SLIT1: variants seen among roughly 807,000 people sequenced by gnomAD.
The protein encoded by SLIT1 is slit guidance ligand 1, also known as slit homolog 1 protein.
A neutral mutation model predicts 186.1 loss-of-function variants in SLIT1; 66 were observed. That is an observed-to-expected ratio of 0.35 (90% CI 0.29 to 0.44). SLIT1 has a LOEUF of 0.44. Among genes scored for constraint, SLIT1 ranks in the 20% least tolerant of loss-of-function variants. The pLI is 1.00. For missense variants in SLIT1, 1,638 were observed against 2,037.4 expected, an observed-to-expected ratio of 0.80 and a Z score of 3.77; for synonymous variants, 761 against 833.8, an observed-to-expected ratio of 0.91 and a Z score of 1.50.
chr10:97,040,802 C>A (rs1347467473), intron 20 of SLIT1, among the ~76,000 whole-genome samples: 2 of 152,206 alleles, frequency 1.3e-5, no homozygotes, highest in Non-Finnish European at 2.9e-5. Flanking sequence ...AAATCTGTGC[C>A]TTCCTTTCTG....
rs780410176 is a variant in SLIT1 at position 97,019,056 on chromosome 10, G to A, written c.2798C>T (p.Pro933Leu). Reference sequence around the variant, plus strand: ...GTGGCAGGTGCCCTGGTTCTGGCACGGACTGGACAAGCAGAGATCACACTT... The same window carrying A: ...GTGGCAGGTGCCCTGGTTCTGGCACAGACTGGACAAGCAGAGATCACACTT... The part of the protein sequence containing the change: ...QAKCDLCLSS[P>L]CQNQGTCHND... The change falls in exon 27 of 37, where the codon CCG becomes CTG. Residue 933 changes from proline (P) to leucine (L), a missense_variant. Pro to Leu is a moderately conservative substitution (Grantham distance 98, BLOSUM62 -3). This residue lies in a region of SLIT1 where 1,245 missense variants were observed against 1,535.3 expected (regional missense o/e 0.81). Transcript: ENST00000266058. 17 of 1,613,890 alleles carry A rather than the reference G, an allele frequency of 1.1e-5. No homozygotes were observed. Among genetic ancestry groups the A allele is most frequent in the Middle Eastern group, 1.6e-4 (1 of 6,084 alleles).
At chr10:97,177,391 G>A (rs1450320255) in intron 1 of SLIT1, among the ~76,000 whole-genome samples, 5 of 152,104 alleles carry the variant, frequency 3.3e-5, no homozygotes, top group Non-Finnish European at 5.9e-5. Flanking sequence ...CTGCCACGCC[G>A]TTCCCACTTA....
At chr10:97,091,062 A>C (rs1849225874) in intron 4 of SLIT1, among the ~76,000 whole-genome samples, 2 of 152,242 alleles carry the variant, frequency 1.3e-5, no homozygotes, top group South Asian at 4.1e-4. Context: ...AGCTGAGAAG[A>C]TAGCTACTCT....
In SLIT1 at chr10:97,183,149, A is replaced by G. The variant is rs185885299; in HGVS notation, c.197+2329T>C. 3.1e-3 allele frequency among the ~76,000 whole-genome samples: 472 copies of G among 152,122 alleles called. 3 individuals carry two copies. Among genetic ancestry groups the G allele is most frequent in the African/African-American group, 0.011 (450 of 41,488 alleles). On this transcript the variant is annotated intron_variant, in intron 1 of 36. Transcript: ENST00000266058. ...CCTCTGAGAAACCCCTTCACCCTGGAAAAGGGCTTCTCACCCCAGTGTTCC... is the reference window on the plus strand; with the variant it reads ...CCTCTGAGAAACCCCTTCACCCTGGGAAAGGGCTTCTCACCCCAGTGTTCC...
rs1053360617 is a variant in SLIT1, at chr10:97,037,748, C to T, written c.2316G>A (p.Gln772=). The change falls in exon 22 of 37, where the codon CAG becomes CAA. Residue 772 remains glutamine (Q), a synonymous_variant. Coordinates refer to ENST00000266058, the MANE Select transcript of SLIT1 (RefSeq NM_003061.3). ...ACAGCTGTCCCGGAACCAGCGTGAA[C>T]TGGTTCCCGTCCAAATAGCTGCAGA... ...NVTELYLDGN[Q]FTLVPGQLST... 1 of 1,608,328 alleles carries T rather than the reference C, an allele frequency of 6.2e-7. No individual in the cohort carries two copies. Among genetic ancestry groups the T allele is most frequent in the African/African-American group, 1.3e-5 (1 of 74,978 alleles).
At chr10:97,098,101 G>T (rs1849310172) in intron 4 of SLIT1, among the ~76,000 whole-genome samples, 2 of 152,190 alleles carry the variant, frequency 1.3e-5, no homozygotes, top group African/African-American at 2.4e-5. Flanking sequence ...ATCATAGCTG[G>T]AACCACTATT....
intron 11 of SLIT1, among the ~76,000 whole-genome samples, chr10:97,058,569 T>G (rs1848862673): frequency 6.6e-6 from 1 of 152,008 alleles, no homozygotes; most frequent in Non-Finnish European, 1.5e-5. Flanking sequence ...ACTTCAGGGG[T>G]GCCATTCATA....
chr10:97,077,893 G>C lies in SLIT1; in HGVS notation c.414-11807C>G, dbSNP rs1849060459. ...AGGCCGAAGCAAGAGGATCACTGGA[G>C]CCTAGGAATTTGAGGCAACCTGGGC... is the stretch of plus-strand genomic sequence containing the variant. On this transcript the variant is annotated intron_variant, in intron 4 of 36. Transcript: ENST00000266058. Among the ~76,000 whole-genome samples the C allele has an allele frequency of 1.3e-5, 2 of 152,136 alleles. 1 individual carries two copies. The highest frequency in any genetic ancestry group is 4.1e-4 in the South Asian group (2 of 4,820).
intron 4 of SLIT1, among the ~76,000 whole-genome samples, chr10:97,098,295 A>G (rs1315773463): frequency 6.6e-6 from 1 of 152,224 alleles, no homozygotes; most frequent in Non-Finnish European, 1.5e-5. Context: ...TCTGTTCACA[A>G]AAGTCCTACT....
intron 3 of SLIT1, among the ~76,000 whole-genome samples, chr10:97,158,575 T>G (rs1438128125): frequency 6.7e-6 from 1 of 148,974 alleles, no homozygotes; most frequent in Non-Finnish European, 1.5e-5. Flanking sequence ...GGCAGGAGAA[T>G]CGCTTGAACT....
At chr10:97,144,955 C>T (rs1175216747) in intron 4 of SLIT1, among the ~76,000 whole-genome samples, 2 of 151,962 alleles carry the variant, frequency 1.3e-5, no homozygotes, top group Non-Finnish European at 2.9e-5. Flanking sequence ...GTAACTTGTC[C>T]AGAGCCCCAC....
Position 97,000,759 on chromosome 10 carries a change from T to C in SLIT1, c.*353A>G, listed in dbSNP as rs1848298749. 9 of 224,090 alleles carry C rather than the reference T, an allele frequency of 4.0e-5. No individual in the cohort carries two copies. In the South Asian group the frequency reaches 8.2e-4, roughly 20 times the overall value. 13.9% of individuals were successfully genotyped at this position (224,090 alleles called of 1,614,324 possible). The stretch of plus-strand genomic sequence containing the variant: ...GAAGGGTTGGTTTGGAAGGCTGTCA[T>C]TTTTCTTCTCCAGATTCAGATAGCA... On this transcript the variant is annotated 3_prime_UTR_variant, in exon 37 of 37. Coordinates refer to ENST00000266058, the MANE Select transcript of SLIT1 (RefSeq NM_003061.3).
At chr10:97,179,796 A>ACCCCCCCCCC (rs1411663173) in intron 1 of SLIT1, among the ~76,000 whole-genome samples, 1 of 103,008 alleles carries the variant, frequency 9.7e-6, no homozygotes, top group Non-Finnish European at 2.2e-5. Flanking sequence ...AATTCTCCAC[A>ACCCCCCCCCC]CCCTCCCCGC....
intron 9 of SLIT1, 60 bp from the exon 10 acceptor site, chr10:97,060,218 A>T: frequency 2.2e-6 from 3 of 1,367,602 alleles, no homozygotes; most frequent in Middle Eastern, 3.7e-4. Context: ...CCTGGGTGTT[A>T]TCTGCTGGGC....
At chr10:97,141,127 C>T (rs1849753302) in intron 4 of SLIT1, among the ~76,000 whole-genome samples, 1 of 152,188 alleles carries the variant, frequency 6.6e-6, no homozygotes, top group Non-Finnish European at 1.5e-5. Flanking sequence ...CTCCCGACGA[C>T]AGCTCCAGCA....
Position 97,021,927 on chromosome 10 carries a change from C to T in SLIT1, c.2583-514G>A, listed in dbSNP as rs1412375463. 6.6e-6 allele frequency among the ~76,000 whole-genome samples: 1 copy of T among 152,180 alleles called. No homozygotes were observed. Among genetic ancestry groups the T allele is most frequent in the Non-Finnish European group, 1.5e-5 (1 of 68,028 alleles). On this transcript the variant is annotated intron_variant, in intron 25 of 36. Coordinates refer to ENST00000266058, the MANE Select transcript of SLIT1 (RefSeq NM_003061.3). The surrounding 1 kb of genome is among the most constrained non-coding windows in gnomAD (Gnocchi z 4.5). ...TTAGTCATCACCACACGCTACTATT[C>T]TCATTTTACATGTGCAGAAACCGAG...
chr10:97,110,453 G>A (rs1416195320), intron 4 of SLIT1, among the ~76,000 whole-genome samples: 2 of 152,070 alleles, frequency 1.3e-5, no homozygotes, highest in African/African-American at 4.8e-5. Flanking sequence ...GGCAAATCGT[G>A]GTAATGCCAC....
intron 4 of SLIT1, among the ~76,000 whole-genome samples, chr10:97,080,497 G>T (rs1223579525): frequency 3.3e-5 from 5 of 152,164 alleles, no homozygotes; most frequent in African/African-American, 1.2e-4. Context: ...TTAACAGTTT[G>T]GTTTTAGTTG....
rs762667814 is a variant in SLIT1, at chr10:97,047,854, G to A, written c.1490-20C>T. On this transcript the variant is annotated intron_variant, in intron 15 of 36. Transcript: ENST00000266058. The stretch of plus-strand genomic sequence containing the variant: ...CCGTGCCTGCCATGAGAGGGTGGGG[G>A]CAGAGGCTGAGGAGCCCGGGGCCGG... 3.1e-6 allele frequency: 5 copies of A among 1,613,450 alleles called. No individual in the cohort carries two copies. Among genetic ancestry groups the A allele is most frequent in the African/African-American group, 2.7e-5 (2 of 74,942 alleles).
Sources: allele counts gnomAD v4.1 joint callset (sites outside exome capture counted in the v4.1 genomes callset), GRCh38; gene constraint gnomAD v4.1.1; regional missense constraint gnomAD v4.1.1; non-coding constraint Gnocchi (gnomAD v3.1); transcripts MANE v1.5; gene names NCBI Gene and HGNC (gene_info 2026-07-23, HGNC 2026-07-21).